The following CHIC1 variants were observed in gnomAD, a reference collection of about 807,000 sequenced individuals.
CHIC1 encodes cysteine-rich hydrophobic domain-containing protein 1.
CHIC1 carries 7 observed loss-of-function variants against 18.5 expected under a neutral mutation model. That is an observed-to-expected ratio of 0.38 (90% confidence interval 0.22 to 0.71). The LOEUF (loss-of-function observed/expected upper bound fraction) is 0.71. CHIC1 is among the 30% of genes least tolerant of loss of function. CHIC1 has a pLI of 0.49. For missense variants in CHIC1, 159 were observed against 176.9 expected, an observed-to-expected ratio of 0.90 and a Z score of 0.57; for synonymous variants, 77 against 73.5, an observed-to-expected ratio of 1.05 and a Z score of -0.25.
At position 73,685,458 on chromosome X, in the gene CHIC1, A is replaced by C. The variant is rs753697242; in HGVS notation, c.*4453A>C. On this transcript the variant is annotated 3_prime_UTR_variant, in exon 6 of 6. Transcript: ENST00000373502. ...TCATATCCTATCCAACATTTACTTT[A>C]GTGTCTAATCAAATTCCATACCCTC... is the stretch of plus-strand genomic sequence containing the variant. The C allele has an allele frequency of 1.5e-4, 17 of 111,896 alleles. No individual in the cohort carries two copies. The South Asian group carries it at 6.3e-3, about 41-fold the overall frequency. The allele number at this position is 111,896 out of a possible 1,213,427, so 9.2% of individuals were successfully genotyped here.
At chrX:73,627,355 T>A (rs2057788514) in intron 3 of CHIC1, among the ~76,000 whole-genome samples, 1 of 112,094 alleles carries the variant, frequency 8.9e-6, no homozygotes, top group South Asian at 3.7e-4. Flanking sequence ...TACAATCAGG[T>A]GGCAAATCCA....
intron 3 of CHIC1, among the ~76,000 whole-genome samples, chrX:73,668,624 G>T (rs1193292028): frequency 9.0e-6 from 1 of 111,259 alleles, no homozygotes; most frequent in Non-Finnish European, 1.9e-5. Flanking sequence ...TTTGCTGGGG[G>T]TCCGCTCTAG....
At chrX:73,636,194 G>A (rs1219508817) in intron 3 of CHIC1, among the ~76,000 whole-genome samples, 1 of 111,678 alleles carries the variant, frequency 9.0e-6, no homozygotes, top group Non-Finnish European at 1.9e-5. Context: ...GTTACTATTA[G>A]CATGTAATAT....
chrX:73,625,635 C>A (rs915323135), intron 3 of CHIC1, among the ~76,000 whole-genome samples: 2 of 111,558 alleles, frequency 1.8e-5, no homozygotes, highest in Non-Finnish European at 3.8e-5. Context: ...CAGCAGAGTG[C>A]AAGGCAGATT....
chrX:73,588,177 G>A (rs1388756961), intron 3 of CHIC1, among the ~76,000 whole-genome samples: 4 of 110,913 alleles, frequency 3.6e-5, no homozygotes, highest in Admixed American at 9.6e-5. Context: ...GAATATTATT[G>A]TACTTACAGA....
chrX:73,621,355 G>A (rs1196312182), intron 3 of CHIC1, among the ~76,000 whole-genome samples: 1 of 111,397 alleles, frequency 9.0e-6, no homozygotes, highest in African/African-American at 3.3e-5. Flanking sequence ...TCCATTTTTT[G>A]GTGTCCTCTC....
chrX:73,645,165 A>T (rs1278867753), intron 3 of CHIC1, among the ~76,000 whole-genome samples: 1 of 112,683 alleles, frequency 8.9e-6, no homozygotes, highest in Non-Finnish European at 1.9e-5. Context: ...GAGATCACAC[A>T]GTATCTATCT....
At chrX:73,593,462 C>G (rs908015243) in intron 3 of CHIC1, among the ~76,000 whole-genome samples, 2 of 111,186 alleles carry the variant, frequency 1.8e-5, no homozygotes, top group African/African-American at 6.5e-5. Context: ...CGACCTCTAC[C>G]AAGATTAGGG....
chrX:73,608,175 A>C (rs1028738325), intron 3 of CHIC1, among the ~76,000 whole-genome samples: 1 of 108,910 alleles, frequency 9.2e-6, no homozygotes, highest in Admixed American at 9.6e-5. Context: ...TTCTCCTTCA[A>C]ATGTTTGATA....
intron 3 of CHIC1, among the ~76,000 whole-genome samples, chrX:73,674,316 TC>T (rs1236835987): frequency 8.9e-6 from 1 of 112,168 alleles, no homozygotes. Flanking sequence ...TGGTACCAGC[TC>T]CTCTTTCTAC....
chrX:73,655,721 C>T (rs2057945899), intron 3 of CHIC1, among the ~76,000 whole-genome samples: 1 of 102,267 alleles, frequency 9.8e-6, no homozygotes, highest in Admixed American at 1.1e-4. Flanking sequence ...CTGTTGATTC[C>T]ATTGATTCTT....
At chrX:73,624,067 T>C (rs889113610) in intron 3 of CHIC1, among the ~76,000 whole-genome samples, 1 of 109,608 alleles carries the variant, frequency 9.1e-6, no homozygotes, top group African/African-American at 3.3e-5. Flanking sequence ...TTATACTAGA[T>C]ACTGGATCTT....
chrX:73,587,095 A>G (rs143727881), intron 3 of CHIC1, among the ~76,000 whole-genome samples: 132 of 112,124 alleles, frequency 1.2e-3, no homozygotes, highest in African/African-American at 4.1e-3. Context: ...CTAATTGGGT[A>G]TCTAGCTTTA....
At chrX:73,661,291 A>G (rs1450207290) in intron 3 of CHIC1, among the ~76,000 whole-genome samples, 1 of 112,460 alleles carries the variant, frequency 8.9e-6, no homozygotes, top group Non-Finnish European at 1.9e-5. Context: ...ACATGAACAT[A>G]TCTTAGTTTT....
intron 3 of CHIC1, among the ~76,000 whole-genome samples, chrX:73,616,152 C>T (rs1249048404): frequency 9.0e-6 from 1 of 110,690 alleles, no homozygotes; most frequent in Non-Finnish European, 1.9e-5. Flanking sequence ...CTGCTTAGGA[C>T]TTGTGGGGGC....
intron 3 of CHIC1, among the ~76,000 whole-genome samples, chrX:73,644,740 G>A (rs188502314): frequency 8.0e-5 from 9 of 112,027 alleles, no homozygotes; most frequent in South Asian, 7.5e-4. Context: ...TTGGAAAAGC[G>A]CAGTATTAGG....
At chrX:73,676,137 A>C (rs1319603791) in intron 3 of CHIC1, among the ~76,000 whole-genome samples, 15 of 111,811 alleles carry the variant, frequency 1.3e-4, no homozygotes, top group African/African-American at 4.2e-4. Flanking sequence ...GTGGGTAACC[A>C]GACCTTTCTC....
chrX:73,643,795 T>G (rs767711466), intron 3 of CHIC1, among the ~76,000 whole-genome samples: 118 of 111,866 alleles, frequency 1.1e-3, no homozygotes, highest in Non-Finnish European at 2.1e-3. Context: ...GTTTTTAACT[T>G]CTTTGCCTTT....
chrX:73,622,553 TTTA>T, intron 3 of CHIC1, among the ~76,000 whole-genome samples: 1 of 111,967 alleles, frequency 8.9e-6, no homozygotes, highest in East Asian at 2.8e-4. Context: ...CACTTTATTT[TTTA>T]TTGTGTGTAT....
Sources: allele counts gnomAD v4.1 joint callset (sites outside exome capture counted in the v4.1 genomes callset), GRCh38; gene constraint gnomAD v4.1.1; transcripts MANE v1.5; gene names NCBI Gene and HGNC (gene_info 2026-07-23, HGNC 2026-07-21).